The following ARHGAP15 variants were observed in gnomAD, a reference collection of about 807,000 sequenced individuals.
The protein encoded by ARHGAP15 is rho GTPase-activating protein 15.
ARHGAP15 carries 51 observed loss-of-function variants against 63.7 expected under a neutral mutation model. The ratio of observed to expected loss-of-function variants is 0.80; its 90% confidence interval spans 0.64 to 1.01. ARHGAP15 has a LOEUF of 1.01. Among genes scored for constraint, ARHGAP15 ranks in the 50% least tolerant of loss-of-function variants. ARHGAP15 has a pLI of 0.00. For missense variants in ARHGAP15, 560 were observed against 564.6 expected (o/e 0.99, Z 0.08); for synonymous variants, 191 against 193.8 (o/e 0.99, Z 0.12).
At chr2:143,760,739 A>G (rs1055826497) in intron 13 of ARHGAP15, among the ~76,000 whole-genome samples, 2 of 152,162 alleles carry the variant, frequency 1.3e-5, no homozygotes, top group African/African-American at 4.8e-5. Flanking sequence ...AATTATATAC[A>G]CCTAACTTTA....
intron 6 of ARHGAP15, among the ~76,000 whole-genome samples, chr2:143,282,714 G>A (rs1043124010): frequency 4.6e-5 from 7 of 152,070 alleles, no homozygotes; most frequent in African/African-American, 1.7e-4. Flanking sequence ...GATTCAGAGA[G>A]GTTAAATAAC....
chr2:143,523,294 A>T (rs1694135068), intron 10 of ARHGAP15, among the ~76,000 whole-genome samples: 1 of 152,142 alleles, frequency 6.6e-6, no homozygotes, highest in Admixed American at 6.6e-5. Flanking sequence ...AAAAGAACAG[A>T]CCCTACAAGA....
intron 1 of ARHGAP15, among the ~76,000 whole-genome samples, chr2:143,150,560 C>T (rs969292238): frequency 4.6e-5 from 7 of 151,942 alleles, no homozygotes; most frequent in African/African-American, 1.7e-4. Flanking sequence ...TGTTGGTACA[C>T]GTAAAATCAG....
intron 11 of ARHGAP15, among the ~76,000 whole-genome samples, chr2:143,597,000 A>G (rs1015349698): frequency 1.3e-5 from 2 of 152,164 alleles, no homozygotes; most frequent in South Asian, 2.1e-4. Flanking sequence ...TCAATAATAC[A>G]TAAGAATCCT....
intron 6 of ARHGAP15, among the ~76,000 whole-genome samples, chr2:143,297,612 C>T (rs1429275676): frequency 6.6e-6 from 1 of 151,940 alleles, no homozygotes; most frequent in Non-Finnish European, 1.5e-5. Flanking sequence ...CCTTCTGTTT[C>T]AGGTTTGTTA....
At chr2:143,271,626 C>A (rs1681286518) in intron 6 of ARHGAP15, among the ~76,000 whole-genome samples, 1 of 152,222 alleles carries the variant, frequency 6.6e-6, no homozygotes, top group Non-Finnish European at 1.5e-5. Context: ...CAGGTGCCTG[C>A]CACCTCGCCC....
At chr2:143,175,342 C>A (rs1342434386) in intron 2 of ARHGAP15, among the ~76,000 whole-genome samples, 3 of 152,150 alleles carry the variant, frequency 2.0e-5, no homozygotes, top group Non-Finnish European at 2.9e-5. Flanking sequence ...TAAGGCCCAT[C>A]ACAGATCAAA....
chr2:143,277,769 C>A (rs773908537), intron 6 of ARHGAP15, among the ~76,000 whole-genome samples: 1 of 152,090 alleles, frequency 6.6e-6, no homozygotes, highest in Non-Finnish European at 1.5e-5. Context: ...CTCTTGCTGT[C>A]CCATTCTCAC....
At chr2:143,164,421 T>G (rs1322790738) in intron 2 of ARHGAP15, among the ~76,000 whole-genome samples, 1 of 152,088 alleles carries the variant, frequency 6.6e-6, no homozygotes, top group Non-Finnish European at 1.5e-5. Flanking sequence ...ATCTTCTCTA[T>G]ATGAAATCTC....
chr2:143,315,529 G>A (rs1307457222), intron 6 of ARHGAP15, among the ~76,000 whole-genome samples: 4 of 151,414 alleles, frequency 2.6e-5, no homozygotes, highest in African/African-American at 9.7e-5. Flanking sequence ...GTATTGCCAA[G>A]GAGTGGGACA....
At chr2:143,519,790 A>G (rs1023424650) in intron 10 of ARHGAP15, among the ~76,000 whole-genome samples, 13 of 152,108 alleles carry the variant, frequency 8.5e-5, no homozygotes, top group South Asian at 4.1e-4. Flanking sequence ...GTGATATCCC[A>G]CCTTCCACAT....
At chr2:143,749,387 C>T (rs554469603) in intron 13 of ARHGAP15, among the ~76,000 whole-genome samples, 1 of 152,294 alleles carries the variant, frequency 6.6e-6, no homozygotes, top group East Asian at 1.9e-4. Flanking sequence ...CGAAAACGAT[C>T]TTCATTTCTC....
intron 6 of ARHGAP15, among the ~76,000 whole-genome samples, chr2:143,419,035 G>C (rs1215902029): frequency 6.6e-6 from 1 of 151,754 alleles, no homozygotes; most frequent in Non-Finnish European, 1.5e-5. Flanking sequence ...AATAAATTGG[G>C]GAAAATTTAT....
At chr2:143,564,210 C>T (rs1160049263) in intron 11 of ARHGAP15, 2 of 152,214 alleles carry the variant, frequency 1.3e-5, no homozygotes, top group Non-Finnish European at 2.9e-5. Flanking sequence ...ATTATTAGTA[C>T]AGCAGAAGTT....
chr2:143,330,094 C>A (rs1283264194), intron 6 of ARHGAP15, among the ~76,000 whole-genome samples: 1 of 1,682 alleles, frequency 5.9e-4, no homozygotes, highest in Non-Finnish European at 1.4e-3. Context: ...GGCTCTGTCT[C>A]AAAAAAAAAA....
chr2:143,636,162 A>C (rs910332818), intron 12 of ARHGAP15, among the ~76,000 whole-genome samples: 1 of 152,092 alleles, frequency 6.6e-6, no homozygotes. Context: ...GGATGGGCAG[A>C]TCTAATTAGT....
chr2:143,404,891 G>A (rs1264364347), intron 6 of ARHGAP15, among the ~76,000 whole-genome samples: 1 of 151,966 alleles, frequency 6.6e-6, no homozygotes, highest in East Asian at 1.9e-4. Context: ...TTAGGTAGTG[G>A]TGAGAACTTA....
chr2:143,701,846 A>G (rs1381820855), intron 12 of ARHGAP15, among the ~76,000 whole-genome samples: 4 of 152,202 alleles, frequency 2.6e-5, no homozygotes. Context: ...AGTTCCCCAG[A>G]TTAGCTCATA....
intron 11 of ARHGAP15, among the ~76,000 whole-genome samples, chr2:143,566,919 G>A (rs544162807): frequency 2.7e-5 from 4 of 149,934 alleles, no homozygotes; most frequent in Non-Finnish European, 4.4e-5. Context: ...ACAGAGTCTC[G>A]CTCTGTCGCC....
Sources: allele counts gnomAD v4.1 joint callset (sites outside exome capture counted in the v4.1 genomes callset), GRCh38; gene constraint gnomAD v4.1.1; transcripts MANE v1.5; gene names NCBI Gene and HGNC (gene_info 2026-07-23, HGNC 2026-07-21).